HMCN1: variants seen among roughly 807,000 people sequenced by gnomAD.
HMCN1 encodes hemicentin 1.
A neutral mutation model predicts 625.9 loss-of-function variants in HMCN1; 321 were observed. The observed-to-expected ratio is 0.51, with a 90% CI of 0.47 to 0.56. HMCN1 has a LOEUF of 0.56. Ranked by LOEUF, HMCN1 falls within the 20% of genes least tolerant of loss-of-function variation. The pLI, the probability that HMCN1 is intolerant of heterozygous loss-of-function variation, is 0.00. For synonymous variants in HMCN1, 2,425 were observed against 2,417.6 expected (o/e 1.00, Z -0.09); for missense variants, 6,588 against 6,887.3 (o/e 0.96, Z 1.54).
At chr1:186,083,626 C>T (rs1659307792) in intron 57 of HMCN1, among the ~76,000 whole-genome samples, 1 of 151,536 alleles carries the variant, frequency 6.6e-6, no homozygotes, top group Non-Finnish European at 1.5e-5. Flanking sequence ...ATCTCCTTTA[C>T]ATACATAATA....
chr1:185,873,501 G>A (rs1663754003), intron 4 of HMCN1, among the ~76,000 whole-genome samples: 1 of 151,984 alleles, frequency 6.6e-6, no homozygotes, highest in South Asian at 2.1e-4. Context: ...AACTGCAAAG[G>A]AACACAAGGG....
At chr1:185,871,506 T>G (rs150903414) in intron 4 of HMCN1, among the ~76,000 whole-genome samples, 151 of 152,334 alleles carry the variant, frequency 9.9e-4, no homozygotes, top group African/African-American at 3.5e-3. Context: ...TAACTGCTAT[T>G]ATTTTTATTT....
chr1:185,797,965 C>CAAAA (rs35031310), intron 1 of HMCN1, among the ~76,000 whole-genome samples: 223 of 13,640 alleles, frequency 0.016, 44 homozygotes, highest in East Asian at 0.053. Context: ...GACTCCGTCT[C>CAAAA]AAAAAAAAAA....
intron 1 of HMCN1, among the ~76,000 whole-genome samples, chr1:185,812,491 T>A (rs1397553887): frequency 3.3e-5 from 5 of 152,176 alleles, no homozygotes; most frequent in African/African-American, 1.2e-4. Context: ...TTTCACATTC[T>A]CTGGTTATCG....
chr1:186,060,536 A>G (rs1331758452), intron 46 of HMCN1, among the ~76,000 whole-genome samples: 1 of 152,126 alleles, frequency 6.6e-6, no homozygotes, highest in Non-Finnish European at 1.5e-5. Context: ...CCAGTATATT[A>G]GAGTTTCACT....
intron 10 of HMCN1, among the ~76,000 whole-genome samples, chr1:185,929,146 T>C (rs1667420910): frequency 6.6e-6 from 1 of 152,158 alleles, no homozygotes; most frequent in African/African-American, 2.4e-5. Context: ...AGGTTAAATG[T>C]TCCCTTTTCC....
chr1:186,013,957 T>G (rs1396931203), intron 30 of HMCN1, among the ~76,000 whole-genome samples: 1 of 152,120 alleles, frequency 6.6e-6, no homozygotes, highest in African/African-American at 2.4e-5. Flanking sequence ...AAGTAGAACA[T>G]AATTCCTTAC....
At position 186,166,310 on chromosome 1, in the gene HMCN1, AC is replaced by A; in HGVS notation, c.15439+8del. ...GATGGAAGAACTTGTCAAGGTATTCACAAATCTAATACACACATTTAAGCAA... is the reference window on the plus strand; with the variant it reads ...GATGGAAGAACTTGTCAAGGTATTCAAAATCTAATACACACATTTAAGCAA... On this transcript the variant is annotated splice_region_variant and intron_variant, in intron 99 of 106. Transcript: ENST00000271588. 3 of 1,614,106 alleles carry A rather than the reference AC, an allele frequency of 1.9e-6. No individual in the cohort carries two copies. The highest frequency in any genetic ancestry group is 2.5e-6 in the Non-Finnish European group (3 of 1,179,998).
At chr1:186,016,822 A>G (rs1453780832) in intron 32 of HMCN1, 141 bp from the exon 33 acceptor site, 6 of 685,404 alleles carry the variant, frequency 8.8e-6, no homozygotes, top group Non-Finnish European at 1.4e-5. Flanking sequence ...TGTATTTACA[A>G]TGCATTTCAA....
intron 1 of HMCN1, among the ~76,000 whole-genome samples, chr1:185,817,996 C>G (rs1018439614): frequency 2.6e-5 from 4 of 152,192 alleles, no homozygotes; most frequent in African/African-American, 9.7e-5. Context: ...AACTGTCCAT[C>G]TCCTGCATTT....
In HMCN1 at chr1:185,814,050, A is replaced by G. The variant is rs923330104; in HGVS notation, c.269-31976A>G. Among the ~76,000 whole-genome samples the G allele has an allele frequency of 4.6e-5, 7 of 152,322 alleles. No homozygotes were observed. The East Asian group carries it at 1.3e-3, about 29-fold the overall frequency. ...ATATCCCTTCTACACTTAGTATTGC[A>G]TATTTCCTCTGAGTGATAGGAATTC... On this transcript the variant is annotated intron_variant, in intron 1 of 106. Coordinates refer to ENST00000271588, the MANE Select transcript of HMCN1 (RefSeq NM_031935.3).
rs1367236173 is a variant in HMCN1 at position 186,076,621 on chromosome 1, A to G, written c.8484A>G (p.Pro2828=). Reference sequence around the variant, plus strand: ...CAAGTGATAAAGTATTGATTTTGCCAGGTAAAGATTGATACCAACAGGGTG... The same window carrying G: ...CAAGTGATAAAGTATTGATTTTGCCGGGTAAAGATTGATACCAACAGGGTG... ...LTSSDKVLIL[P]GGRVLQIPRA... is the part of the protein sequence containing the mutation. Residue 2828 remains proline (P), a splice_region_variant and synonymous_variant, in exon 54 of 107, where the codon CCA becomes CCG. Transcript: ENST00000271588. 6.2e-6 allele frequency: 10 copies of G among 1,612,466 alleles called. No individual in the cohort carries two copies. The highest frequency in any genetic ancestry group is 8.5e-6 in the Non-Finnish European group (10 of 1,179,494).
At position 185,970,383 on chromosome 1, in the gene HMCN1, T is replaced by G. The variant is rs1046849931; in HGVS notation, c.2261T>G (p.Leu754Trp). 55 of 1,613,726 alleles carry G rather than the reference T, an allele frequency of 3.4e-5. No homozygotes were observed. Among genetic ancestry groups the G allele is most frequent in the East Asian group, 2.9e-4 (13 of 44,880 alleles). The change falls in exon 15 of 107, where the codon TTG (leucine) becomes TGG (tryptophan). Residue 754 changes from leucine to tryptophan, a missense_variant. Leu to Trp is a moderately conservative substitution (Grantham distance 61). This residue lies in a region of HMCN1 where 4,628 missense variants were observed against 4,853.1 expected (regional missense o/e 0.95). Transcript: ENST00000271588. ...ACATTCCTCATTATTGACCCTCTCT[T>G]GGGACTTTTGAAGATTCAAGAAACA... ...PSTFLIIDPL[L>W]GLLKIQETQD...
At chr1:186,037,308 T>A (rs1655897894) in intron 36 of HMCN1, among the ~76,000 whole-genome samples, 1 of 152,208 alleles carries the variant, frequency 6.6e-6, no homozygotes, top group Non-Finnish European at 1.5e-5. Context: ...CCAAGTTATT[T>A]CTTTTATATT....
Position 185,923,613 on chromosome 1 carries a change from C to T in HMCN1, c.1245C>T (p.Phe415=). 2 of 1,607,690 alleles carry T rather than the reference C, an allele frequency of 1.2e-6. No individual in the cohort carries two copies. The highest frequency in any genetic ancestry group is 1.3e-5 in the African/African-American group (1 of 74,962). ...VTGYDKDDYL[F]QRVSSVSFSS... ...GCTATGATAAAGATGATTACCTCTT[C>T]CAGAGAGTATCAAGTGTTTCCTTTT... Residue 415 remains phenylalanine (F), a synonymous_variant, in exon 8 of 107, where the codon TTC becomes TTT. Transcript: ENST00000271588.
rs781172651 is a variant in HMCN1, at chr1:185,734,759, AAG to A, written c.-18_-17del. ...CAGTGCTTAGGCGCTGAGGGGGAAA[AAG>A]AGGGGGAAAAAAAAGAAAATGATTT... is the stretch of plus-strand genomic sequence containing the variant. On this transcript the variant is annotated 5_prime_UTR_variant, in exon 1 of 107. Coordinates refer to ENST00000271588, the MANE Select transcript of HMCN1 (RefSeq NM_031935.3). 4.0e-5 allele frequency: 64 copies of A among 1,613,480 alleles called. No homozygotes were observed. In the South Asian group the frequency reaches 5.7e-4, roughly 14 times the overall value.
chr1:185,789,461 ATGTT>A (rs1657846605), intron 1 of HMCN1, among the ~76,000 whole-genome samples: 1 of 152,204 alleles, frequency 6.6e-6, no homozygotes, highest in Non-Finnish European at 1.5e-5. Context: ...ATAATGAAGA[ATGTT>A]TGATTATGTT....
In HMCN1 at chr1:185,734,969, T is replaced by A. The variant is rs777319602; in HGVS notation, c.190T>A (p.Ser64Thr). ...TTTAGTTCAGGTGATTGAAGGGGCTTCCAAAATTTTGGAGACGTCTTTGAA... is the reference window on the plus strand; with the variant it reads ...TTTAGTTCAGGTGATTGAAGGGGCTACCAAAATTTTGGAGACGTCTTTGAA... ...DDLVQVIEGASKILETSLKRP... is the reference protein window; with the variant it reads ...DDLVQVIEGATKILETSLKRP... The change falls in exon 1 of 107, where the codon TCC becomes ACC. Residue 64 changes from serine to threonine, a missense_variant. Physicochemically the swap from Ser to Thr is moderately conservative, Grantham distance 58. This residue lies in a region of HMCN1 where 4,628 missense variants were observed against 4,853.1 expected (regional missense o/e 0.95). Coordinates refer to ENST00000271588, the MANE Select transcript of HMCN1 (RefSeq NM_031935.3). 7.4e-6 allele frequency: 12 copies of A among 1,614,022 alleles called. No homozygotes were observed. The highest frequency in any genetic ancestry group is 8.5e-6 in the Non-Finnish European group (10 of 1,180,028).
rs934784792 is a variant in HMCN1 at position 186,039,769 on chromosome 1, G to T, written c.6070G>T (p.Val2024Leu). Residue 2024 changes from valine to leucine, a missense_variant, in exon 39 of 107, where the codon GTG becomes TTG. This residue lies in a region of HMCN1 where 4,628 missense variants were observed against 4,853.1 expected (regional missense o/e 0.95). Transcript: ENST00000271588. ...ISGSNNMVAVVVNNPVRLECE... is the reference protein window; with the variant it reads ...ISGSNNMVAVLVNNPVRLECE... ...TGGCAGCAATAACATGGTGGCAGTGGTGGTTAATAACCCGGTGAGGTTAGA... is the reference window on the plus strand; with the variant it reads ...TGGCAGCAATAACATGGTGGCAGTGTTGGTTAATAACCCGGTGAGGTTAGA... 8 of 1,613,548 alleles carry T rather than the reference G, an allele frequency of 5.0e-6. No individual in the cohort carries two copies. The highest frequency in any genetic ancestry group is 5.1e-6 in the Non-Finnish European group (6 of 1,179,638).
Sources: gnomAD v4.1 joint callset for allele counts (sites outside exome capture counted in the v4.1 genomes callset) on GRCh38, gnomAD v4.1.1 for gene constraint, gnomAD v4.1.1 regional missense constraint, MANE v1.5 for transcripts, NCBI Gene and HGNC (gene_info 2026-07-23, HGNC 2026-07-21) for gene names.